Variants in PLA2G4F observed in about 807,000 individuals in gnomAD.
The protein encoded by PLA2G4F is cytosolic phospholipase A2 zeta.
In PLA2G4F, 105 loss-of-function variants were observed where a neutral mutation model predicts 103.1. The observed-to-expected ratio is 1.02, with a 90% confidence interval of 0.87 to 1.20. The LOEUF is 1.20. Ranked by LOEUF, PLA2G4F falls within the 50% of genes most tolerant of loss-of-function variation. The pLI, the probability that PLA2G4F is intolerant of heterozygous loss-of-function variation, is 0.00. For missense variants in PLA2G4F, 1,155 were observed against 1,075.9 expected, an observed-to-expected ratio of 1.07 and a Z score of -1.03; for synonymous variants, 468 against 441.1, an observed-to-expected ratio of 1.06 and a Z score of -0.76.
In PLA2G4F at chr15:42,152,828, T is replaced by A. The variant is rs889610081; in HGVS notation, c.535-74A>T. Reference sequence around the variant, plus strand: ...CAGGATGGAGAGAGGGAGGAGTGCCTAGGGCAGGGTCTGGGAAACAGCCAT... The same window carrying A: ...CAGGATGGAGAGAGGGAGGAGTGCCAAGGGCAGGGTCTGGGAAACAGCCAT... On this transcript the variant is annotated intron_variant, in intron 6 of 19. Transcript: ENST00000397272. 3 of 1,409,396 alleles carry A rather than the reference T, an allele frequency of 2.1e-6. No homozygotes were observed. The South Asian group carries it at 4.0e-5, about 19-fold the overall frequency. The allele number at this position is 1,409,396 out of a possible 1,614,324, so 87.3% of individuals were successfully genotyped here.
chr15:42,154,226 G>A lies in PLA2G4F; in HGVS notation c.322-6C>T. The A allele has an allele frequency of 6.2e-7, 1 of 1,614,186 alleles. No homozygotes were observed. Among genetic ancestry groups the A allele is most frequent in the African/African-American group, 1.3e-5 (1 of 75,058 alleles). On this transcript the variant is annotated splice_polypyrimidine_tract_variant and splice_region_variant and intron_variant, in intron 3 of 19. Coordinates refer to ENST00000397272, the MANE Select transcript of PLA2G4F (RefSeq NM_213600.4). ...AGGGTGAGCTCCAGGACGTTCTGGGGACAAGGCAGGCAGGAGGTCCGAGCA... is the reference window on the plus strand; with the variant it reads ...AGGGTGAGCTCCAGGACGTTCTGGGAACAAGGCAGGCAGGAGGTCCGAGCA...
Position 42,141,945 on chromosome 15 carries a change from T to G in PLA2G4F, c.*39A>C. ...CTACAAGCCCTGACCATGAGCAGTG[T>G]GTCTCCTCTCTGTCACAGTCCTCCG... On this transcript the variant is annotated 3_prime_UTR_variant, in exon 20 of 20. Coordinates refer to ENST00000397272, the MANE Select transcript of PLA2G4F (RefSeq NM_213600.4). The G allele has an allele frequency of 6.4e-7, 1 of 1,565,642 alleles. No individual in the cohort carries two copies. The highest frequency in any genetic ancestry group is 2.2e-5 in the East Asian group (1 of 44,662).
rs77677751 is a variant in PLA2G4F, at chr15:42,147,342, T to G, written c.1201A>C (p.Ile401Leu). ...LSGVSGSTWC[I>L]STLYRDPAWS... Reference sequence around the variant, plus strand: ...GCTGGGTCCCTGTAGAGTGTGGAGATGCACCTGGGGATTGGAGGTGTGCCT... The same window carrying G: ...GCTGGGTCCCTGTAGAGTGTGGAGAGGCACCTGGGGATTGGAGGTGTGCCT... The change falls in exon 13 of 20, where the codon ATC becomes CTC. Residue 401 changes from isoleucine (I) to leucine (L), a missense_variant. Ile to Leu is a conservative substitution (Grantham distance 5). Coordinates refer to ENST00000397272, the MANE Select transcript of PLA2G4F (RefSeq NM_213600.4). 585 of 1,605,736 alleles carry G rather than the reference T, an allele frequency of 3.6e-4. 4 individuals are homozygous for G. In the African/African-American group the frequency reaches 7.2e-3, roughly 20 times the overall value.
At chr15:42,149,201 G>A (rs537160249) in intron 11 of PLA2G4F, 1 of 972,040 alleles carries the variant, frequency 1.0e-6, no homozygotes. Context: ...AACCCCCAAT[G>A]TGACAGTATT....
At position 42,139,641 on chromosome 15, in the gene PLA2G4F, G is replaced by A. The variant is rs994488661; in HGVS notation, c.*2343C>T. ...GGTAAAGACTCAGATCTCTCCTGAG[G>A]AGCAGACATTAAACTGGCTGGGTTA... On this transcript the variant is annotated 3_prime_UTR_variant, in exon 20 of 20. Coordinates refer to ENST00000397272, the MANE Select transcript of PLA2G4F (RefSeq NM_213600.4). The A allele has an allele frequency of 3.9e-5, 6 of 152,162 alleles. No individual in the cohort carries two copies. The highest frequency in any genetic ancestry group is 8.8e-5 in the Non-Finnish European group (6 of 68,052). The allele number at this position is 152,162 out of a possible 1,614,324, so 9.4% of individuals were successfully genotyped here. A position where few individuals can be genotyped will look rare whatever the true frequency, so the allele number is the denominator to read the frequency against.
In PLA2G4F at chr15:42,150,228, C is replaced by T. The variant is rs1450922061; in HGVS notation, c.886-87G>A. ...TCCCCCACCTGCAGCCCTTGCTGCC[C>T]TGCGATCTCTGGCCCGATGTGGACA... On this transcript the variant is annotated intron_variant, in intron 9 of 19. Coordinates refer to ENST00000397272, the MANE Select transcript of PLA2G4F (RefSeq NM_213600.4). The T allele has an allele frequency of 1.9e-6, 3 of 1,582,156 alleles. No homozygotes were observed. In the African/African-American group the frequency reaches 4.1e-5, roughly 21 times the overall value.
chr15:42,155,654 C>T, intron 1 of PLA2G4F, 65 bp from the exon 2 acceptor site: 5 of 1,508,984 alleles, frequency 3.3e-6, no homozygotes, highest in African/African-American at 1.4e-5. Flanking sequence ...CCCCATTGTT[C>T]CCCTCGTCCC....
At chr15:42,151,776 G>C (rs1020788227) in intron 7 of PLA2G4F, 1 of 617,310 alleles carries the variant, frequency 1.6e-6, no homozygotes, top group Non-Finnish European at 2.0e-6. Context: ...GAGAGAAGCG[G>C]AGTGTCACCG....
chr15:42,153,257 C>T (rs375970891), intron 6 of PLA2G4F, 43 bp downstream of exon 6: 1 of 1,579,870 alleles, frequency 6.3e-7, no homozygotes, highest in Non-Finnish European at 8.6e-7. Context: ...TTCCTCACTG[C>T]CCCCCAGCCC....
At chr15:42,151,114 A>G in intron 7 of PLA2G4F, 4 of 985,288 alleles carry the variant, frequency 4.1e-6, no homozygotes, top group Non-Finnish European at 4.8e-6. Context: ...CATAAGAATG[A>G]GCAGTTTTCA....
At chr15:42,148,971 G>T in intron 11 of PLA2G4F, 1 of 985,388 alleles carries the variant, frequency 1.0e-6, no homozygotes, top group Non-Finnish European at 1.2e-6. Flanking sequence ...CTGGGCCACA[G>T]TGATAGCGTC....
At chr15:42,154,576 G>T in intron 2 of PLA2G4F, 118 bp from the exon 3 acceptor site, 1 of 1,199,758 alleles carries the variant, frequency 8.3e-7, no homozygotes, top group Non-Finnish European at 1.1e-6. Context: ...CGCCCACGTG[G>T]CATGGTGGGG....
In PLA2G4F at chr15:42,154,456, A is replaced by G. The variant is rs1336371684; in HGVS notation, c.187T>C (p.Ser63Pro). Reference sequence around the variant, plus strand: ...AGTTGCACATAGCAGTCGGCTTTGGACACTGCAGGTAGGACAGGGAGGGGC... The same window carrying G: ...AGTTGCACATAGCAGTCGGCTTTGGGCACTGCAGGTAGGACAGGGAGGGGC... ...ATNIRGTDLLSKADCYVQLWL... is the reference protein window; with the variant it reads ...ATNIRGTDLLPKADCYVQLWL... The change falls in exon 3 of 20, where the codon TCC becomes CCC. Residue 63 changes from serine (S) to proline (P), a missense_variant and splice_region_variant. Transcript: ENST00000397272. The G allele has an allele frequency of 1.9e-6, 3 of 1,582,270 alleles. No homozygotes were observed. The highest frequency in any genetic ancestry group is 1.7e-6 in the Non-Finnish European group (2 of 1,161,876).
rs1197784087 is a variant in PLA2G4F, at chr15:42,147,750, C to A, written c.1072G>T (p.Ala358Ser). 9 of 1,613,924 alleles carry A rather than the reference C, an allele frequency of 5.6e-6. No individual in the cohort carries two copies. The highest frequency in any genetic ancestry group is 2.2e-5 in the East Asian group (1 of 44,888). ...GTTCCACCCCCGGAACCCAACACAG[C>A]CACTACAGGCACCTGGGTACAATAA... ...ALDSGQVPVVAVLGSGGGTRA... is the reference protein window; with the variant it reads ...ALDSGQVPVVSVLGSGGGTRA... Residue 358 changes from alanine to serine, a missense_variant, in exon 12 of 20, where the codon GCT becomes TCT. Around this residue, in one of 3 missense-constraint regions of PLA2G4F, gnomAD observed 782 missense variants for 692.9 expected, o/e 1.13. Coordinates refer to ENST00000397272, the MANE Select transcript of PLA2G4F (RefSeq NM_213600.4).
chr15:42,148,527 C>T, intron 11 of PLA2G4F: 1 of 843,114 alleles, frequency 1.2e-6, no homozygotes, highest in Non-Finnish European at 1.4e-6. Flanking sequence ...CCCTCCACCT[C>T]CCCTTTCCCC....
chr15:42,143,291 C>T (rs2048844584), intron 18 of PLA2G4F, among the ~76,000 whole-genome samples: 1 of 152,032 alleles, frequency 6.6e-6, no homozygotes, highest in Admixed American at 6.5e-5. Flanking sequence ...AGCATTCCGC[C>T]ATGGTCCTCC....
At position 42,154,311 on chromosome 15, in the gene PLA2G4F, C is replaced by T; in HGVS notation, c.321+11G>A. The T allele has an allele frequency of 6.2e-7, 1 of 1,608,478 alleles. No individual in the cohort carries two copies. The highest frequency in any genetic ancestry group is 1.1e-5 in the South Asian group (1 of 90,558). On this transcript the variant is annotated intron_variant, in intron 3 of 19. Coordinates refer to ENST00000397272, the MANE Select transcript of PLA2G4F (RefSeq NM_213600.4). ...TCCCCTCCCGCAGCCTGGCCCCTGG[C>T]TGGCCCTCACCTTCACAGCACCATG...
intron 15 of PLA2G4F, 39 bp from the exon 16 acceptor site, chr15:42,145,721 T>A: frequency 6.2e-7 from 1 of 1,613,550 alleles, no homozygotes. Flanking sequence ...CGTCAGGGCC[T>A]GGCCCCGGCA....
In PLA2G4F at chr15:42,149,829, G is replaced by A. The variant is rs144191503; in HGVS notation, c.943C>T (p.Arg315Cys). 103 of 1,614,068 alleles carry A rather than the reference G, an allele frequency of 6.4e-5. No individual in the cohort carries two copies. Among genetic ancestry groups the A allele is most frequent in the Middle Eastern group, 1.6e-4 (1 of 6,084 alleles). The change falls in exon 11 of 20, where the codon CGC becomes TGC. Residue 315 changes from arginine to cysteine, a missense_variant. Coordinates refer to ENST00000397272, the MANE Select transcript of PLA2G4F (RefSeq NM_213600.4). ...CCGTCAGAGAGGTCAAAGCCAAGGC[G>A]TAGGTCTAGGTCCCCGGAGCTGCCT... ...VEMSSGDLDL[R>C]LGFDLSDGEQ...
Sources: gnomAD v4.1 joint callset for allele counts (sites outside exome capture counted in the v4.1 genomes callset) on GRCh38, gnomAD v4.1.1 for gene constraint, gnomAD v4.1.1 regional missense constraint, MANE v1.5 for transcripts, NCBI Gene and HGNC (gene_info 2026-07-23, HGNC 2026-07-21) for gene names.